NPC1: variants seen among roughly 807,000 people sequenced by gnomAD.
The protein encoded by NPC1 is Niemann-Pick C1 protein.
A neutral mutation model predicts 140.4 loss-of-function variants in NPC1; 85 were observed. The ratio of observed to expected loss-of-function variants is 0.61; its 90% CI spans 0.51 to 0.72. The LOEUF (loss-of-function observed/expected upper bound fraction) is 0.72. NPC1 is among the 30% of genes least tolerant of loss of function. The pLI is 0.00. For missense variants in NPC1, 1,504 were observed against 1,623.8 expected (o/e 0.93, Z 1.27); for synonymous variants, 656 against 624.8 (o/e 1.05, Z -0.74).
rs1214047310 is a variant in NPC1, at chr18:23,557,145, T to G, written c.927A>C (p.Ile309=). Residue 309 remains isoleucine, a synonymous_variant, in exon 7 of 25, where the codon ATA becomes ATC. Transcript: ENST00000269228. ...VSEYTPIDSN[I]AFSVNASDKG... is the part of the protein sequence containing the mutation. ...TGTCACTTGCATTAACAGAAAAAGC[T>G]ATATTGCTATCGATGGGAGTGTACT... 6.2e-7 allele frequency: 1 copy of G among 1,613,864 alleles called. No homozygotes were observed. The highest frequency in any genetic ancestry group is 8.5e-7 in the Non-Finnish European group (1 of 1,179,856).
At chr18:23,510,489 A>G (rs572013022) in intron 3 of NPC1, among the ~76,000 whole-genome samples, 6 of 152,240 alleles carry the variant, frequency 3.9e-5, no homozygotes, top group African/African-American at 1.4e-4. Flanking sequence ...CTCTATTAAA[A>G]ATACAAAAAT....
chr18:23,535,818 C>T, intron 21 of NPC1, 118 bp from the exon 22 acceptor site: 1 of 757,682 alleles, frequency 1.3e-6, no homozygotes, highest in Admixed American at 2.0e-5. Flanking sequence ...TTGCAGAAAA[C>T]CTTGCTGGCT....
At chr18:23,541,557 G>A (rs569307308) in intron 14 of NPC1, 124 bp from the exon 15 acceptor site, 1 of 1,256,352 alleles carries the variant, frequency 8.0e-7, no homozygotes, top group African/African-American at 1.5e-5. Context: ...GAGAAGGCAT[G>A]CTGCGGCTGG....
At chr18:23,561,079 G>GT (rs1013104311) in intron 5 of NPC1, among the ~76,000 whole-genome samples, 5 of 152,164 alleles carry the variant, frequency 3.3e-5, no homozygotes, top group African/African-American at 9.7e-5. Context: ...TGGGATGATC[G>GT]TAACTCACTG....
downstream of NPC1, chr18:23,519,301 T>G: frequency 2.6e-6 from 2 of 772,618 alleles, no homozygotes; most frequent in Admixed American, 4.6e-5. Flanking sequence ...ACAGATTGCT[T>G]GAGCCCAGGA....
intron 1 of NPC1, 43 bp downstream of exon 1, chr18:23,586,244 G>T: frequency 6.6e-7 from 1 of 1,525,792 alleles, no homozygotes; most frequent in Non-Finnish European, 8.8e-7. Flanking sequence ...TCTCGGCCCC[G>T]CCACGTCCCC....
intron 1 of NPC1, 122 bp from the exon 2 acceptor site, chr18:23,573,696 C>T: frequency 8.9e-7 from 1 of 1,121,550 alleles, no homozygotes; most frequent in Non-Finnish European, 1.4e-6. Context: ...TAAGTAACAG[C>T]AACAGGCACT....
At chr18:23,574,813 A>C (rs566448138) in intron 1 of NPC1, among the ~76,000 whole-genome samples, 1 of 152,154 alleles carries the variant, frequency 6.6e-6, no homozygotes, top group Non-Finnish European at 1.5e-5. Context: ...CCACATATGA[A>C]CCCTGTGCCA....
intron 4 of NPC1, among the ~76,000 whole-genome samples, chr18:23,565,108 GTTC>G (rs946020115): frequency 3.3e-5 from 5 of 151,972 alleles, no homozygotes; most frequent in Non-Finnish European, 5.9e-5. Context: ...TTCCTATTTT[GTTC>G]TTTTTTCAGG....
At chr18:23,530,184 A>T (rs377192338), downstream of NPC1, 132 of 1,613,792 alleles carry the variant, frequency 8.2e-5, no homozygotes, top group Non-Finnish European at 1.1e-4. Context: ...GGAAAATTTT[A>T]ACCGTTATCT....
intron 1 of NPC1, among the ~76,000 whole-genome samples, chr18:23,585,582 G>A (rs1270192670): frequency 6.6e-6 from 1 of 152,136 alleles, no homozygotes; most frequent in Admixed American, 6.5e-5. Context: ...TTTTAAAAGA[G>A]GAAACTACAG....
At chr18:23,536,906 G>C in intron 20 of NPC1, 30 bp from the exon 21 acceptor site, 1 of 1,578,764 alleles carries the variant, frequency 6.3e-7, no homozygotes, top group Non-Finnish European at 8.7e-7. Context: ...TGTCAAGAGA[G>C]TCCAGGTCTT....
rs3745024 is a variant in NPC1 at position 23,544,946 on chromosome 18, C to A, written c.1947+14G>T. 28,914 of 1,329,592 alleles carry A rather than the reference C, an allele frequency of 0.022. 3,271 individuals carry two copies. In the East Asian group the frequency reaches 0.33, roughly 15 times the overall value. 82.4% of individuals were successfully genotyped at this position (1,329,592 alleles called of 1,614,324 possible). Reference sequence around the variant, plus strand: ...GTTAACCTCTAGAACATACACCACCCCCCCCCGGCTTACCAGAAGCCTGCG... The same window carrying A: ...GTTAACCTCTAGAACATACACCACCACCCCCCGGCTTACCAGAAGCCTGCG... On this transcript the variant is annotated intron_variant, in intron 12 of 24. Coordinates refer to ENST00000269228, the MANE Select transcript of NPC1 (RefSeq NM_000271.5).
At chr18:23,549,932 A>G (rs2058844560) in intron 10 of NPC1, among the ~76,000 whole-genome samples, 1 of 150,330 alleles carries the variant, frequency 6.7e-6, no homozygotes, top group African/African-American at 2.5e-5. Flanking sequence ...TTCAGTAGAG[A>G]CAGGGTTTCA....
At chr18:23,553,762 C>A (rs1328325732) in intron 9 of NPC1, among the ~76,000 whole-genome samples, 1 of 152,158 alleles carries the variant, frequency 6.6e-6, no homozygotes, top group Non-Finnish European at 1.5e-5. Context: ...TACAGGTCAC[C>A]AAAGCACCGC....
chr18:23,562,041 G>A (rs2059048597), intron 4 of NPC1, among the ~76,000 whole-genome samples: 1 of 152,166 alleles, frequency 6.6e-6, no homozygotes, highest in Non-Finnish European at 1.5e-5. Context: ...TGTAATTCCA[G>A]CACTCTGGGA....
At chr18:23,566,745 CTT>C (rs941446762) in intron 4 of NPC1, among the ~76,000 whole-genome samples, 10 of 152,256 alleles carry the variant, frequency 6.6e-5, no homozygotes, top group Admixed American at 2.0e-4. Context: ...GTATGTAGTA[CTT>C]TTGTTTCAAA....
At chr18:23,548,160 T>G in intron 10 of NPC1, 52 bp from the exon 11 acceptor site, 1 of 1,023,714 alleles carries the variant, frequency 9.8e-7, no homozygotes, top group Non-Finnish European at 1.5e-6. Context: ...ATGCAGAAAA[T>G]TAGACACATA....
At chr18:23,516,007 G>A in intron 3 of NPC1, 1 of 1,613,826 alleles carries the variant, frequency 6.2e-7, no homozygotes, top group Non-Finnish European at 8.5e-7. Context: ...GTAAGAGGAA[G>A]CCTCCCCTGA....
Sources: gnomAD v4.1 joint callset for allele counts (sites outside exome capture counted in the v4.1 genomes callset) on GRCh38, gnomAD v4.1.1 for gene constraint, MANE v1.5 for transcripts, NCBI Gene and HGNC (gene_info 2026-07-23, HGNC 2026-07-21) for gene names.